ANKRD11: variants seen among roughly 807,000 people sequenced by gnomAD.
ANKRD11 encodes the protein ankyrin repeat domain-containing protein 11.
ANKRD11 carries 17 observed loss-of-function variants against 195.7 expected under a neutral mutation model. The observed-to-expected ratio is 0.09, with a 90% CI of 0.06 to 0.13. The LOEUF (loss-of-function observed/expected upper bound fraction) is 0.13. ANKRD11 is among the 10% of genes least tolerant of loss of function. The pLI, the probability that ANKRD11 is intolerant of heterozygous loss-of-function variation, is 1.00. For synonymous variants in ANKRD11, 1,953 were observed against 1,528.1 expected, an observed-to-expected ratio of 1.28 and a Z score of -6.49; for missense variants, 3,735 against 3,566.1, an observed-to-expected ratio of 1.05 and a Z score of -1.21.
At chr16:89,304,502 G>A (rs960663686) in intron 4 of ANKRD11, among the ~76,000 whole-genome samples, 11 of 150,238 alleles carry the variant, frequency 7.3e-5, no homozygotes, top group Non-Finnish European at 1.5e-4. Context: ...AGACGGGCAC[G>A]CATACACAGG....
intron 3 of ANKRD11, chr16:89,313,289 C>A (rs762567319): frequency 7.8e-7 from 1 of 1,281,436 alleles, no homozygotes; most frequent in African/African-American, 1.5e-5. Context: ...GGGGTGGGGA[C>A]GACACTGTTC....
At chr16:89,484,295 T>C (rs2057535053) in intron 1 of ANKRD11, among the ~76,000 whole-genome samples, 1 of 152,232 alleles carries the variant, frequency 6.6e-6, no homozygotes, top group African/African-American at 2.4e-5. Context: ...CAAAGCTTGA[T>C]TTCTTAAGAG....
At chr16:89,286,462 AT>A (rs1220498468) in intron 7 of ANKRD11, 8 of 577,954 alleles carry the variant, frequency 1.4e-5, no homozygotes, top group East Asian at 3.7e-5. Context: ...CCTCCTTTGG[AT>A]TTTTTTCCAC....
intron 9 of ANKRD11, 57 bp from the exon 10 acceptor site, chr16:89,275,248 A>G: frequency 6.7e-7 from 1 of 1,481,504 alleles, no homozygotes; most frequent in Admixed American, 1.9e-5. Context: ...TGCACGAAGG[A>G]TATAGTCTGG....
intron 2 of ANKRD11, among the ~76,000 whole-genome samples, chr16:89,380,017 G>A (rs1460324112): frequency 1.3e-5 from 2 of 152,064 alleles, no homozygotes; most frequent in African/African-American, 2.4e-5. Context: ...TTCAGTCCAG[G>A]TCCAAGTATC....
At chr16:89,313,005 T>G (rs547378278) in intron 3 of ANKRD11, among the ~76,000 whole-genome samples, 14 of 152,268 alleles carry the variant, frequency 9.2e-5, no homozygotes, top group African/African-American at 3.1e-4. Flanking sequence ...GCTGGAGGGC[T>G]CACATGCTCA....
chr16:89,372,262 C>A (rs979903923), intron 2 of ANKRD11, among the ~76,000 whole-genome samples: 1 of 152,236 alleles, frequency 6.6e-6, no homozygotes, highest in African/African-American at 2.4e-5. Context: ...GCAGCCCGAG[C>A]CTCTCACTGA....
At chr16:89,356,500 G>C (rs564627656) in intron 2 of ANKRD11, among the ~76,000 whole-genome samples, 2 of 151,920 alleles carry the variant, frequency 1.3e-5, no homozygotes, top group Non-Finnish European at 2.9e-5. Flanking sequence ...GGCCAGGCGC[G>C]GTGGCTCACG....
In ANKRD11 at chr16:89,359,722, G is replaced by A. The variant is rs1361547359; in HGVS notation, c.-59-42644C>T. 2.0e-5 allele frequency among the ~76,000 whole-genome samples: 3 copies of A among 152,122 alleles called. No homozygotes were observed. In the East Asian group the frequency reaches 5.8e-4, roughly 29 times the overall value. ...TAACTGTACAAGAGGCATTTTCAAC[G>A]GTCTTCATATCTGAGTCTCAACAGC... On this transcript the variant is annotated intron_variant, in intron 2 of 12. Coordinates refer to ENST00000301030, the MANE Select transcript of ANKRD11 (RefSeq NM_013275.6).
At chr16:89,349,249 C>T (rs984010881) in intron 2 of ANKRD11, among the ~76,000 whole-genome samples, 5 of 149,566 alleles carry the variant, frequency 3.3e-5, no homozygotes, top group African/African-American at 1.2e-4. Context: ...CAAAAACAGG[C>T]CAGGCGCAGT....
At chr16:89,481,814 C>T (rs1276550742) in intron 1 of ANKRD11, among the ~76,000 whole-genome samples, 1 of 152,130 alleles carries the variant, frequency 6.6e-6, no homozygotes, top group African/African-American at 2.4e-5. Flanking sequence ...ATGCGGCCTT[C>T]CCAGCCTTTG....
At chr16:89,407,503 G>C (rs567981082) in intron 2 of ANKRD11, among the ~76,000 whole-genome samples, 2 of 152,210 alleles carry the variant, frequency 1.3e-5, no homozygotes, top group African/African-American at 4.8e-5. Flanking sequence ...GCTGTTGCAC[G>C]ACAGCCGCAC....
At chr16:89,436,217 C>G (rs996669827) in intron 1 of ANKRD11, among the ~76,000 whole-genome samples, 2 of 152,088 alleles carry the variant, frequency 1.3e-5, no homozygotes, top group South Asian at 4.1e-4. Flanking sequence ...GAGTTCGAGA[C>G]CAGCCTGGCC....
At chr16:89,298,911 T>G (rs2035630837) in intron 4 of ANKRD11, 1 of 152,260 alleles carries the variant, frequency 6.6e-6, no homozygotes, top group Non-Finnish European at 1.5e-5. Context: ...TGCTTTTTCT[T>G]GAGTGCCTGA....
In ANKRD11 at chr16:89,324,515, T is replaced by C. The variant is rs933313074; in HGVS notation, c.-59-7437A>G. ...GTTCCTGGGAGCATCTTGAGGAAGCTGCCAAAGGAGATTCACATTGAGTCA... is the reference window on the plus strand; with the variant it reads ...GTTCCTGGGAGCATCTTGAGGAAGCCGCCAAAGGAGATTCACATTGAGTCA... On this transcript the variant is annotated intron_variant, in intron 2 of 12. Coordinates refer to ENST00000301030, the MANE Select transcript of ANKRD11 (RefSeq NM_013275.6). 5 of 456,088 alleles carry C rather than the reference T, an allele frequency of 1.1e-5. No individual in the cohort carries two copies. The East Asian group carries it at 3.5e-4, about 32-fold the overall frequency. The allele number at this position is 456,088 out of a possible 1,614,324, so 28.3% of individuals were successfully genotyped here. A position where few individuals can be genotyped will look rare whatever the true frequency, so the allele number is the denominator to read the frequency against.
intron 2 of ANKRD11, among the ~76,000 whole-genome samples, chr16:89,333,664 G>A (rs778803894): frequency 3.3e-5 from 5 of 152,190 alleles, no homozygotes; most frequent in African/African-American, 1.2e-4. Flanking sequence ...CTGGCAGCTC[G>A]TCTGTTTTTA....
chr16:89,375,337 C>T (rs191355041), intron 2 of ANKRD11, among the ~76,000 whole-genome samples: 3 of 152,338 alleles, frequency 2.0e-5, no homozygotes, highest in African/African-American at 7.2e-5. Context: ...GCCTGGAGTC[C>T]CAGCTACTCA....
intron 1 of ANKRD11, among the ~76,000 whole-genome samples, chr16:89,447,963 C>T (rs1199065299): frequency 1.3e-5 from 2 of 152,062 alleles, no homozygotes; most frequent in Non-Finnish European, 2.9e-5. Flanking sequence ...CACCACCACG[C>T]CTGGCTCATT....
At chr16:89,352,885 T>G (rs2039287550) in intron 2 of ANKRD11, among the ~76,000 whole-genome samples, 1 of 152,240 alleles carries the variant, frequency 6.6e-6, no homozygotes, top group Non-Finnish European at 1.5e-5. Flanking sequence ...CTCTCACGGC[T>G]TGTTCTACTT....
Sources: gnomAD v4.1 joint callset for allele counts (sites outside exome capture counted in the v4.1 genomes callset) on GRCh38, gnomAD v4.1.1 for gene constraint, MANE v1.5 for transcripts, NCBI Gene and HGNC (gene_info 2026-07-23, HGNC 2026-07-21) for gene names.